Variants in SLC36A1 observed in about 807,000 individuals in gnomAD.
SLC36A1 encodes proton-coupled amino acid transporter 1.
Under a neutral mutation model 47.5 loss-of-function variants are expected in SLC36A1, and 30 were observed. The ratio of observed to expected loss-of-function variants is 0.63; its 90% CI spans 0.47 to 0.86. The LOEUF is 0.86. SLC36A1 is among the 40% of genes least tolerant of loss of function. The pLI is 0.00. For synonymous variants in SLC36A1, 255 were observed against 249.7 expected (o/e 1.02, Z -0.20); for missense variants, 517 against 606.0 (o/e 0.85, Z 1.54).
chr5:151,372,370 T>C, the SLC36A1 span, among the ~76,000 whole-genome samples: 2 of 151,948 alleles, frequency 1.3e-5, no homozygotes, highest in African/African-American at 2.4e-5. Context: ...ATCAGAGAGA[T>C]GGAAATCATA....
chr5:151,511,466 C>T, the SLC36A1 span: 1 of 152,186 alleles, frequency 6.6e-6, no homozygotes, highest in Admixed American at 6.5e-5. Context: ...TGACTTCCAC[C>T]CCTGGGTGTC....
the SLC36A1 span, among the ~76,000 whole-genome samples, chr5:151,348,298 A>G: frequency 6.6e-6 from 1 of 152,202 alleles, no homozygotes; most frequent in Admixed American, 6.5e-5. Context: ...GAAATCCAGG[A>G]TAGAACTCTG....
At chr5:151,495,334 T>G (rs1342465496), downstream of SLC36A1, among the ~76,000 whole-genome samples, 1 of 152,164 alleles carries the variant, frequency 6.6e-6, no homozygotes, top group Non-Finnish European at 1.5e-5. Context: ...TTGATATAGG[T>G]TTTTTATTGG....
chr5:151,486,954 A>G (rs537381478), intron 10 of SLC36A1, among the ~76,000 whole-genome samples: 3 of 152,342 alleles, frequency 2.0e-5, no homozygotes, highest in South Asian at 2.1e-4. Context: ...AGGCACCTGC[A>G]TAACCTCATT....
chr5:151,465,206 C>T (rs766923420), intron 5 of SLC36A1, 37 bp downstream of exon 5: 127 of 1,494,398 alleles, frequency 8.5e-5, no homozygotes, highest in Middle Eastern at 6.8e-4. Context: ...CTGTGGCCTC[C>T]CAGTGTGAGG....
Position 151,488,351 on chromosome 5 carries a change from G to T in SLC36A1, c.*97G>T. ...AGGTATGGTCCAGGCTCTGAGGAAA[G>T]TCAGGGTTGCTGTGTGGGAACCCCT... On this transcript the variant is annotated 3_prime_UTR_variant, in exon 11 of 11. Transcript: ENST00000243389. 6.8e-7 allele frequency: 1 copy of T among 1,471,332 alleles called. No individual in the cohort carries two copies. Among genetic ancestry groups the T allele is most frequent in the East Asian group, 2.3e-5 (1 of 43,138 alleles). 91.1% of individuals were successfully genotyped at this position (1,471,332 alleles called of 1,614,324 possible). A position where few individuals can be genotyped will look rare whatever the true frequency, so the allele number is the denominator to read the frequency against.
chr5:151,473,652 G>GTTTTGCTTT, intron 7 of SLC36A1, 21 bp from the exon 8 acceptor site: 1 of 1,211,230 alleles, frequency 8.3e-7, no homozygotes, highest in Non-Finnish European at 1.2e-6. Flanking sequence ...GTTTTGCTTT[G>GTTTTGCTTT]TTTTGCTTTC....
chr5:151,522,182 C>T, the SLC36A1 span: 1 of 996,040 alleles, frequency 1.0e-6, no homozygotes, highest in Non-Finnish European at 1.4e-6. Context: ...CGTTTCTCTG[C>T]CCCACGCCCA....
the SLC36A1 span, among the ~76,000 whole-genome samples, chr5:151,512,980 T>C: frequency 2.0e-5 from 3 of 152,322 alleles, no homozygotes; most frequent in East Asian, 3.9e-4. This position sits in a 1 kb window ranked among gnomAD's most constrained non-coding sequence, Gnocchi z 4.1. Context: ...TGTCTCCCAC[T>C]CCCACTTCCT....
intron 10 of SLC36A1, among the ~76,000 whole-genome samples, chr5:151,483,337 C>T (rs1050580634): frequency 6.6e-6 from 1 of 152,112 alleles, no homozygotes; most frequent in Non-Finnish European, 1.5e-5. Flanking sequence ...TCTCTTGACT[C>T]GAAGGGAAGA....
At chr5:151,486,739 G>A (rs369598811) in intron 10 of SLC36A1, among the ~76,000 whole-genome samples, 7 of 152,216 alleles carry the variant, frequency 4.6e-5, no homozygotes, top group African/African-American at 1.7e-4. Context: ...AGCTCTGGAT[G>A]TCTGTATCAA....
the SLC36A1 span, chr5:151,507,581 T>C: frequency 6.2e-7 from 1 of 1,612,198 alleles, no homozygotes; most frequent in African/African-American, 1.3e-5. Context: ...GGCAGTGTCC[T>C]TCTGAACAAC....
chr5:151,390,372 C>T, the SLC36A1 span, among the ~76,000 whole-genome samples: 101 of 152,186 alleles, frequency 6.6e-4, no homozygotes, highest in African/African-American at 2.1e-3. Context: ...ATCACTCTGA[C>T]GGTAGTTTCT....
chr5:151,379,154 T>G, the SLC36A1 span, among the ~76,000 whole-genome samples: 1 of 152,124 alleles, frequency 6.6e-6, no homozygotes, highest in Non-Finnish European at 1.5e-5. Context: ...GCCTATAGTC[T>G]CCTCAATGGT....
chr5:151,550,911 C>A, the SLC36A1 span: 1 of 1,591,910 alleles, frequency 6.3e-7, no homozygotes, highest in Non-Finnish European at 8.6e-7. Context: ...CTGCAAGCCC[C>A]AGGGGAACAG....
chr5:151,391,664 TG>T, the SLC36A1 span, among the ~76,000 whole-genome samples: 1 of 152,196 alleles, frequency 6.6e-6, no homozygotes, highest in Non-Finnish European at 1.5e-5. Context: ...GATAATCATG[TG>T]GTTTTTGTCT....
intron 10 of SLC36A1, among the ~76,000 whole-genome samples, chr5:151,480,874 T>C (rs747850881): frequency 2.6e-5 from 4 of 152,194 alleles, no homozygotes; most frequent in Admixed American, 1.3e-4. Context: ...GTTCAAATAA[T>C]TTGCTTTTAT....
the SLC36A1 span, among the ~76,000 whole-genome samples, chr5:151,541,260 G>C: frequency 1.3e-5 from 2 of 152,194 alleles, no homozygotes; most frequent in Non-Finnish European, 2.9e-5. Context: ...TCACTGACAA[G>C]AATGTGGGAA....
chr5:151,522,495 C>T, the SLC36A1 span, among the ~76,000 whole-genome samples: 10 of 152,288 alleles, frequency 6.6e-5, no homozygotes, highest in South Asian at 8.3e-4. Flanking sequence ...GCTCAGCCTA[C>T]GAAAATTCCC....
Sources: allele counts gnomAD v4.1 joint callset (sites outside exome capture counted in the v4.1 genomes callset), GRCh38; gene constraint gnomAD v4.1.1; non-coding constraint Gnocchi (gnomAD v3.1); transcripts MANE v1.5; gene names NCBI Gene and HGNC (gene_info 2026-07-23, HGNC 2026-07-21).